The following PBX1 variants were observed in gnomAD, a reference collection of about 807,000 sequenced individuals.
The protein encoded by PBX1 is pre-B-cell leukemia transcription factor 1.
In PBX1, 6 loss-of-function variants were observed where a neutral mutation model predicts 53.4. The ratio of observed to expected loss-of-function variants is 0.11; its 90% CI spans 0.06 to 0.22. The LOEUF is 0.22. Among genes scored for constraint, PBX1 ranks in the 10% least tolerant of loss-of-function variants. The pLI, the probability that PBX1 is intolerant of heterozygous loss-of-function variation, is 1.00. For synonymous variants in PBX1, 204 were observed against 212.3 expected, an observed-to-expected ratio of 0.96 and a Z score of 0.34; for missense variants, 251 against 551.4, an observed-to-expected ratio of 0.46 and a Z score of 5.46.
At chr1:164,633,218 T>C (rs1770551) in intron 2 of PBX1, among the ~76,000 whole-genome samples, 86,470 of 151,376 alleles carry the variant, frequency 0.57, 25,204 homozygotes, top group African/African-American at 0.69. Flanking sequence ...GGCACAATCT[T>C]GGCTCACTTC....
chr1:164,875,435 TG>T (rs1672480907), intron 2 of PBX1, among the ~76,000 whole-genome samples: 1 of 152,172 alleles, frequency 6.6e-6, no homozygotes, highest in Non-Finnish European at 1.5e-5. Context: ...CCCTTGTAGC[TG>T]GGACTACAGG....
chr1:164,670,931 G>A (rs370243831), intron 2 of PBX1, among the ~76,000 whole-genome samples: 3 of 152,314 alleles, frequency 2.0e-5, no homozygotes, highest in East Asian at 3.9e-4. Context: ...AGAAAATGCA[G>A]TTTCTGGTAA....
chr1:164,712,575 G>T (rs899508483), intron 2 of PBX1, among the ~76,000 whole-genome samples: 2 of 152,292 alleles, frequency 1.3e-5, no homozygotes, highest in African/African-American at 4.8e-5. Flanking sequence ...AGGCACAGAG[G>T]CAGGAGGTGG....
chr1:164,872,555 C>A (rs1672406818), intron 2 of PBX1, among the ~76,000 whole-genome samples: 2 of 152,158 alleles, frequency 1.3e-5, no homozygotes, highest in South Asian at 4.1e-4. Context: ...TATCAACACC[C>A]CTACTAAAGT....
chr1:164,827,236 G>A (rs1670514317), intron 8 of PBX1, among the ~76,000 whole-genome samples: 1 of 152,200 alleles, frequency 6.6e-6, no homozygotes, highest in Non-Finnish European at 1.5e-5. Flanking sequence ...GTAAGGCTGG[G>A]AACTGAGGGT....
intron 2 of PBX1, among the ~76,000 whole-genome samples, chr1:164,757,883 C>T (rs867016999): frequency 1.3e-5 from 2 of 152,228 alleles, no homozygotes; most frequent in Middle Eastern, 6.8e-3. Flanking sequence ...TCAAAGTGAA[C>T]CTTTGGATCT....
chr1:164,666,877 C>T (rs981725003), intron 2 of PBX1, among the ~76,000 whole-genome samples: 1 of 152,186 alleles, frequency 6.6e-6, no homozygotes, highest in Admixed American at 6.5e-5. Flanking sequence ...ATTGAATCTT[C>T]ACAGAACCCT....
intron 2 of PBX1, among the ~76,000 whole-genome samples, chr1:164,608,149 C>A (rs1462681827): frequency 6.6e-6 from 1 of 152,278 alleles, no homozygotes; most frequent in East Asian, 1.9e-4. Flanking sequence ...GGCAACTTGC[C>A]CTGTATTTCT....
At chr1:164,736,156 T>A (rs904137437) in intron 2 of PBX1, among the ~76,000 whole-genome samples, 2 of 152,124 alleles carry the variant, frequency 1.3e-5, no homozygotes, top group African/African-American at 4.8e-5. Context: ...GCAGCCCCTC[T>A]CCCCTCCCTT....
chr1:164,627,964 G>A (rs1236023284), intron 2 of PBX1, among the ~76,000 whole-genome samples: 1 of 152,166 alleles, frequency 6.6e-6, no homozygotes, highest in Non-Finnish European at 1.5e-5. Context: ...AATAGAGCAA[G>A]AACCCCAAGA....
intron 8 of PBX1, among the ~76,000 whole-genome samples, chr1:164,845,993 T>C (rs539275433): frequency 1.3e-5 from 2 of 152,194 alleles, no homozygotes; most frequent in Admixed American, 1.3e-4. Context: ...AGGTTCTGCC[T>C]TGATTTATAA....
At chr1:164,791,499 T>C (rs1419009690) in intron 2 of PBX1, among the ~76,000 whole-genome samples, 1 of 152,150 alleles carries the variant, frequency 6.6e-6, no homozygotes, top group Non-Finnish European at 1.5e-5. Context: ...CAAGGGCCAA[T>C]TTGTCTTCTT....
intron 2 of PBX1, among the ~76,000 whole-genome samples, chr1:164,596,365 G>A (rs1557881133): frequency 6.6e-6 from 1 of 152,120 alleles, no homozygotes; most frequent in Non-Finnish European, 1.5e-5. Flanking sequence ...TCCCTCCCAT[G>A]CAAACACCTT....
chr1:164,806,737 T>C (rs1263943719), intron 4 of PBX1, among the ~76,000 whole-genome samples: 1 of 152,110 alleles, frequency 6.6e-6, no homozygotes, highest in African/African-American at 2.4e-5. Flanking sequence ...AATGAATAAC[T>C]TGAATTGATT....
intron 2 of PBX1, chr1:164,680,398 A>G (rs1661689944): frequency 6.6e-6 from 1 of 152,142 alleles, no homozygotes. Context: ...TTTCAACTTT[A>G]ATTTTTGATT....
intron 2 of PBX1, among the ~76,000 whole-genome samples, chr1:164,596,069 T>C (rs1655733948): frequency 6.7e-6 from 1 of 149,404 alleles, no homozygotes. Flanking sequence ...ATATGTGTTT[T>C]TGTTTTGTTT....
chr1:164,571,310 TA>T (rs1164815435), intron 2 of PBX1, among the ~76,000 whole-genome samples: 4 of 152,118 alleles, frequency 2.6e-5, no homozygotes, highest in Non-Finnish European at 4.4e-5. Flanking sequence ...CCTTGCCCCC[TA>T]AAAAAACCCA....
chr1:164,626,549 G>A (rs1441934249), intron 2 of PBX1, among the ~76,000 whole-genome samples: 1 of 152,168 alleles, frequency 6.6e-6, no homozygotes, highest in African/African-American at 2.4e-5. Context: ...TTCCAATGAA[G>A]AGTTTACACT....
intron 2 of PBX1, among the ~76,000 whole-genome samples, chr1:164,635,579 G>A (rs529699185): frequency 7.2e-4 from 110 of 152,298 alleles, no homozygotes; most frequent in African/African-American, 1.9e-3. Flanking sequence ...CGCGGGCTGC[G>A]CCATTCTCCC....
Sources: gnomAD v4.1 joint callset for allele counts (sites outside exome capture counted in the v4.1 genomes callset) on GRCh38, gnomAD v4.1.1 for gene constraint, MANE v1.5 for transcripts, NCBI Gene and HGNC (gene_info 2026-07-23, HGNC 2026-07-21) for gene names.